The following EVA1A variants were observed in gnomAD, a reference collection of about 807,000 sequenced individuals.
EVA1A encodes the protein eva-1 homolog A, regulator of programmed cell death.
In EVA1A, 7 loss-of-function variants were observed where a neutral mutation model predicts 9.8. The observed-to-expected ratio is 0.71, with a 90% CI of 0.41 to 1.34. The LOEUF is 1.34. EVA1A is among the 40% of genes most tolerant of loss of function. EVA1A has a pLI of 0.01. For missense variants in EVA1A, 206 were observed against 205.9 expected, an observed-to-expected ratio of 1.00 and a Z score of 0.00; for synonymous variants, 90 against 85.6, an observed-to-expected ratio of 1.05 and a Z score of -0.28.
chr2:75,509,059 T>C (rs1288718419), intron 3 of EVA1A, among the ~76,000 whole-genome samples: 2 of 152,186 alleles, frequency 1.3e-5, no homozygotes, highest in East Asian at 1.9e-4. Flanking sequence ...TGTGAATTCC[T>C]GTTTCCCTAG....
intron 1 of EVA1A, among the ~76,000 whole-genome samples, chr2:75,539,191 C>T (rs1676026113): frequency 6.6e-6 from 1 of 152,166 alleles, no homozygotes; most frequent in African/African-American, 2.4e-5. Flanking sequence ...GAAATATCCT[C>T]TTTCTCATGA....
intron 1 of EVA1A, among the ~76,000 whole-genome samples, chr2:75,543,956 A>G (rs1381033499): frequency 1.3e-5 from 2 of 152,228 alleles, no homozygotes; most frequent in Non-Finnish European, 2.9e-5. Context: ...GAAATGTTTG[A>G]TTCAAATTAC....
Position 75,508,162 on chromosome 2 carries a change from C to A in EVA1A, c.85+9894G>T, listed in dbSNP as rs11126473. On this transcript the variant is annotated intron_variant, in intron 3 of 3. Transcript: ENST00000393913. ...CCCTGTAATAATTGCATTAACTGCA[C>A]AAATTGTACAGCATGTGTGTTTGAG... is the stretch of plus-strand genomic sequence containing the variant. 1.8e-4 allele frequency among the ~76,000 whole-genome samples: 28 copies of A among 152,212 alleles called. No homozygotes were observed. The East Asian group carries it at 5.4e-3, about 29-fold the overall frequency.
chr2:75,533,912 C>T lies in EVA1A; in HGVS notation c.-191-11425G>A, dbSNP rs183738858. On this transcript the variant is annotated intron_variant, in intron 1 of 3. Transcript: ENST00000393913. ...CTGCAAGCTCCGCCTCCCAGGTTCA[C>T]GCCATTCTCCTGCCTCAGCCTCCCG... Among the ~76,000 whole-genome samples the T allele has an allele frequency of 8.7e-3, 1,315 of 151,920 alleles. 17 individuals carry two copies. The highest frequency in any genetic ancestry group is 0.03 in the African/African-American group (1,227 of 41,450).
At chr2:75,553,948 G>A (rs987494347) in intron 1 of EVA1A, among the ~76,000 whole-genome samples, 1 of 152,202 alleles carries the variant, frequency 6.6e-6, no homozygotes, top group African/African-American at 2.4e-5. Context: ...GAGGTTGCTT[G>A]GCCAAGTGGC....
At chr2:75,548,765 C>A (rs1477448324) in intron 1 of EVA1A, among the ~76,000 whole-genome samples, 1 of 151,992 alleles carries the variant, frequency 6.6e-6, no homozygotes, top group Non-Finnish European at 1.5e-5. Context: ...CCTCCTAGAG[C>A]ACCCTGTTCT....
chr2:75,495,959 A>G (rs1674197383), intron 3 of EVA1A, among the ~76,000 whole-genome samples: 4 of 152,178 alleles, frequency 2.6e-5, no homozygotes, highest in Admixed American at 2.6e-4. Context: ...CCTAGGCCAC[A>G]TGACAAGGTA....
intron 2 of EVA1A, among the ~76,000 whole-genome samples, chr2:75,521,856 T>C (rs1675242332): frequency 6.6e-6 from 1 of 152,154 alleles, no homozygotes; most frequent in African/African-American, 2.4e-5. Flanking sequence ...AATTTAAAAA[T>C]TGTGTTGGTG....
At chr2:75,566,592 T>C (rs1269515128) in intron 1 of EVA1A, among the ~76,000 whole-genome samples, 2 of 152,186 alleles carry the variant, frequency 1.3e-5, no homozygotes. Flanking sequence ...ATCCTCTTTA[T>C]CTGTTCTATT....
Position 75,509,822 on chromosome 2 carries a change from A to T in EVA1A, c.85+8234T>A, listed in dbSNP as rs189652218. Reference sequence around the variant, plus strand: ...AGGGGGGTAATTCAATTCTTAAAAGAGGGGAAGTTTACGTATACTGATTTG... The same window carrying T: ...AGGGGGGTAATTCAATTCTTAAAAGTGGGGAAGTTTACGTATACTGATTTG... On this transcript the variant is annotated intron_variant, in intron 3 of 3. Transcript: ENST00000393913. Among the ~76,000 whole-genome samples the T allele has an allele frequency of 3.9e-5, 6 of 152,202 alleles. No homozygotes were observed. The East Asian group carries it at 7.7e-4, about 20-fold the overall frequency.
At chr2:75,554,872 C>A (rs752024050) in intron 1 of EVA1A, among the ~76,000 whole-genome samples, 3 of 152,176 alleles carry the variant, frequency 2.0e-5, no homozygotes, top group South Asian at 2.1e-4. Flanking sequence ...GTCTTCTTCT[C>A]TACTCATATC....
intron 1 of EVA1A, among the ~76,000 whole-genome samples, chr2:75,551,078 G>A (rs539369159): frequency 2.4e-4 from 37 of 152,146 alleles, no homozygotes; most frequent in African/African-American, 8.2e-4. Context: ...AGCCAAGATC[G>A]CACCACACAT....
intron 1 of EVA1A, chr2:75,526,210 A>C (rs1386699059): frequency 6.6e-6 from 1 of 152,244 alleles, no homozygotes; most frequent in Non-Finnish European, 1.5e-5. Flanking sequence ...CTGCAAACAG[A>C]ATCAAATGTA....
At position 75,492,967 on chromosome 2, in the gene EVA1A, G is replaced by T. The variant is rs114783753; in HGVS notation, c.*269C>A. ...AGAAATCAAGAGAAACCACAGTCGC[G>T]TTTCTCCGATCTCCATCCACAGTGT... On this transcript the variant is annotated 3_prime_UTR_variant, in exon 4 of 4. Coordinates refer to ENST00000393913, the MANE Select transcript of EVA1A (RefSeq NM_001135032.2). 793 of 439,586 alleles carry T rather than the reference G, an allele frequency of 1.8e-3. 6 individuals are homozygous for T. The highest frequency in any genetic ancestry group is 0.015 in the African/African-American group (725 of 49,634). 27.2% of individuals were successfully genotyped at this position (439,586 alleles called of 1,614,324 possible). A position where few individuals can be genotyped will look rare whatever the true frequency, so the allele number is the denominator to read the frequency against.
At chr2:75,526,798 G>A (rs566839871) in intron 1 of EVA1A, among the ~76,000 whole-genome samples, 5 of 152,218 alleles carry the variant, frequency 3.3e-5, no homozygotes, top group Non-Finnish European at 5.9e-5. Flanking sequence ...TACAGAGGTT[G>A]AGCTTTATTT....
At chr2:75,498,485 A>C (rs1223759051) in intron 3 of EVA1A, among the ~76,000 whole-genome samples, 1 of 152,162 alleles carries the variant, frequency 6.6e-6, no homozygotes, top group Non-Finnish European at 1.5e-5. Flanking sequence ...CTAAAATAAA[A>C]GTAAAAAAAA....
intron 3 of EVA1A, among the ~76,000 whole-genome samples, chr2:75,505,718 G>A (rs1275051640): frequency 6.6e-6 from 1 of 152,014 alleles, no homozygotes; most frequent in Non-Finnish European, 1.5e-5. Flanking sequence ...GGAGGCTGAG[G>A]CAGAAGAGTC....
At chr2:75,495,125 A>G (rs1674164421) in intron 3 of EVA1A, among the ~76,000 whole-genome samples, 1 of 152,134 alleles carries the variant, frequency 6.6e-6, no homozygotes, top group African/African-American at 2.4e-5. Context: ...AGTCTATTAT[A>G]TCATTCTTAT....
chr2:75,546,413 A>G (rs1350844487), intron 1 of EVA1A, among the ~76,000 whole-genome samples: 1 of 152,220 alleles, frequency 6.6e-6, no homozygotes, highest in South Asian at 2.1e-4. Context: ...GGCTGGGGGG[A>G]AAATGCAGTG....
Sources: allele counts gnomAD v4.1 joint callset (sites outside exome capture counted in the v4.1 genomes callset), GRCh38; gene constraint gnomAD v4.1.1; transcripts MANE v1.5; gene names NCBI Gene and HGNC (gene_info 2026-07-23, HGNC 2026-07-21).